The following PARP6 variants were observed in gnomAD, a reference collection of about 807,000 sequenced individuals.
PARP6 encodes protein mono-ADP-ribosyltransferase PARP6.
PARP6 carries 27 observed loss-of-function variants against 92.0 expected under a neutral mutation model. That is an observed-to-expected ratio of 0.29 (90% CI 0.22 to 0.40). PARP6 has a LOEUF of 0.40. Ranked by LOEUF, PARP6 falls within the 10% of genes least tolerant of loss-of-function variation. The pLI, the probability that PARP6 is intolerant of heterozygous loss-of-function variation, is 1.00. For synonymous variants in PARP6, 272 were observed against 281.2 expected (o/e 0.97, Z 0.33); for missense variants, 501 against 784.5 (o/e 0.64, Z 4.32).
intron 17 of PARP6, 69 bp from the exon 18 acceptor site, chr15:72,251,023 G>T: frequency 8.2e-7 from 1 of 1,212,634 alleles, no homozygotes; most frequent in East Asian, 2.4e-5. Context: ...GGAAGGGTTG[G>T]GGATAGGGGA....
At chr15:72,266,708 C>T (rs764714712) in intron 4 of PARP6, 37 bp downstream of exon 4, 4 of 1,465,532 alleles carry the variant, frequency 2.7e-6, no homozygotes, top group Admixed American at 1.7e-5. Flanking sequence ...CATATCTAGA[C>T]CATCCAACAC....
At chr15:72,250,182 C>T (rs2084163522) in intron 18 of PARP6, 90 bp from the exon 19 acceptor site, 3 of 809,026 alleles carry the variant, frequency 3.7e-6, no homozygotes, top group Admixed American at 3.6e-5. Flanking sequence ...TTCTCACCCA[C>T]ACAGGACATG....
In PARP6 at chr15:72,256,576, C is replaced by G. The variant is rs778053447; in HGVS notation, c.1014G>C (p.Leu338=). 1 of 1,564,732 alleles carries G rather than the reference C, an allele frequency of 6.4e-7. No homozygotes were observed. The highest frequency in any genetic ancestry group is 8.6e-7 in the Non-Finnish European group (1 of 1,158,834). ...VATGAEVVDL[L]VAMCRAALES... ...CTAAAGCTGCCCTACACATGGCCACCAGCAGATCCACCACCTTAGGGGAAA... is the reference window on the plus strand; with the variant it reads ...CTAAAGCTGCCCTACACATGGCCACGAGCAGATCCACCACCTTAGGGGAAA... The change falls in exon 14 of 24, where the codon CTG becomes CTC. Residue 338 remains leucine (L), a synonymous_variant. Coordinates refer to ENST00000569795, the MANE Select transcript of PARP6 (RefSeq NM_001323532.2).
chr15:72,241,667 C>A lies in PARP6; in HGVS notation c.1791-110G>T. On this transcript the variant is annotated intron_variant, in intron 23 of 23. Coordinates refer to ENST00000569795, the MANE Select transcript of PARP6 (RefSeq NM_001323532.2). This position sits in a 1 kb window ranked among gnomAD's most constrained non-coding sequence, Gnocchi z 4.1. ...GGCCATCCCATCCCAGAAGTCAAAGCCCTTTCTCACTGCTTCATAGTGGAA... is the reference window on the plus strand; with the variant it reads ...GGCCATCCCATCCCAGAAGTCAAAGACCTTTCTCACTGCTTCATAGTGGAA... The A allele has an allele frequency of 1.1e-6, 1 of 872,078 alleles. No individual in the cohort carries two copies. 54.0% of individuals were successfully genotyped at this position (872,078 alleles called of 1,614,324 possible).
chr15:72,254,185 G>T, intron 15 of PARP6: 1 of 507,340 alleles, frequency 2.0e-6, no homozygotes, highest in Non-Finnish European at 3.6e-6. Context: ...AACTCCCTAA[G>T]AATTATGGCA....
intron 8 of PARP6, among the ~76,000 whole-genome samples, chr15:72,263,226 T>C (rs1340043746): frequency 6.6e-6 from 1 of 152,226 alleles, no homozygotes; most frequent in Non-Finnish European, 1.5e-5. Context: ...CCACTACTCT[T>C]TGGCCCTTAT....
At chr15:72,263,715 C>T (rs1310482671) in intron 8 of PARP6, among the ~76,000 whole-genome samples, 2 of 152,072 alleles carry the variant, frequency 1.3e-5, no homozygotes, top group Non-Finnish European at 2.9e-5. Flanking sequence ...CAACTCTTAT[C>T]CATCCTTGAA....
chr15:72,258,177 C>G, intron 11 of PARP6, 45 bp from the exon 12 acceptor site: 1 of 1,364,924 alleles, frequency 7.3e-7, no homozygotes, highest in Non-Finnish European at 1.0e-6. Context: ...TACTGGCACA[C>G]ACAGATATGG....
At chr15:72,259,732 C>A in intron 10 of PARP6, 71 bp from the exon 11 acceptor site, 2 of 1,319,994 alleles carry the variant, frequency 1.5e-6, no homozygotes, top group South Asian at 1.2e-5. Flanking sequence ...CTGACTCTTG[C>A]CTATCACCTA....
chr15:72,263,002 T>C (rs1465639119), intron 8 of PARP6, among the ~76,000 whole-genome samples: 1 of 152,218 alleles, frequency 6.6e-6, no homozygotes, highest in African/African-American at 2.4e-5. Flanking sequence ...CTCCTTTAAG[T>C]AGCAAATTGA....
chr15:72,255,780 CTCTCTTT>C (rs2085006660), intron 14 of PARP6, among the ~76,000 whole-genome samples: 1 of 62,526 alleles, frequency 1.6e-5, no homozygotes, highest in East Asian at 3.1e-4. Context: ...TATATTACTT[CTCTCTTT>C]TTTTTTTTTT....
At chr15:72,257,189 A>G (rs2085256817) in intron 13 of PARP6, among the ~76,000 whole-genome samples, 159 bp downstream of exon 13, 1 of 152,190 alleles carries the variant, frequency 6.6e-6, no homozygotes, top group South Asian at 2.1e-4. Flanking sequence ...TGGAGCCCCT[A>G]CAGATGGGGT....
chr15:72,242,143 G>GGCAAACATGT lies in PARP6; in HGVS notation c.1705+13_1705+14insACATGTTTGC. The GGCAAACATGT allele has an allele frequency of 6.2e-7, 1 of 1,610,876 alleles. No homozygotes were observed. The highest frequency in any genetic ancestry group is 2.2e-5 in the East Asian group (1 of 44,868). ...TAGAGACCCAGAAAAACAGGACATG[G>GGCAAACATGT]GCAAGCTACCTACCTTCACAAAGTG... On this transcript the variant is annotated intron_variant, in intron 22 of 23. Coordinates refer to ENST00000569795, the MANE Select transcript of PARP6 (RefSeq NM_001323532.2). The surrounding 1 kb of genome is among the most constrained non-coding windows in gnomAD (Gnocchi z 4.3).
intron 13 of PARP6, among the ~76,000 whole-genome samples, chr15:72,257,039 G>A (rs1469918782): frequency 2.0e-5 from 3 of 152,064 alleles, no homozygotes; most frequent in South Asian, 2.1e-4. Flanking sequence ...CACTGTGCTC[G>A]GCCCTTTATT....
intron 3 of PARP6, 167 bp from the exon 4 acceptor site, chr15:72,266,989 A>T: frequency 1.7e-6 from 1 of 602,050 alleles, no homozygotes. Flanking sequence ...TGAGAGTCTC[A>T]GTCTCTTCCT....
chr15:72,270,733 C>G (rs7179942), intron 2 of PARP6, among the ~76,000 whole-genome samples: 95,079 of 152,046 alleles, frequency 0.63, 31,362 homozygotes, highest in Middle Eastern at 0.74. Context: ...AGAAACAACT[C>G]AACACCCACA....
Position 72,250,004 on chromosome 15 carries a change from A to C in PARP6, c.1491+16T>G, listed in dbSNP as rs751536614. ...GGGAGCGGTTAGAAATAAAGGAGAA[A>C]GGGGCACAGCCTCACCTGCAGTTTG... On this transcript the variant is annotated intron_variant, in intron 19 of 23. Transcript: ENST00000569795. 8 of 1,545,928 alleles carry C rather than the reference A, an allele frequency of 5.2e-6. No homozygotes were observed. The Admixed American group carries it at 1.3e-4, about 26-fold the overall frequency.
Position 72,268,455 on chromosome 15 carries a change from T to G in PARP6, c.-194-784A>C, listed in dbSNP as rs2086897743. 2.0e-5 allele frequency among the ~76,000 whole-genome samples: 3 copies of G among 152,224 alleles called. No individual in the cohort carries two copies. In the South Asian group the frequency reaches 6.2e-4, roughly 32 times the overall value. On this transcript the variant is annotated intron_variant, in intron 2 of 23. Transcript: ENST00000569795. Reference sequence around the variant, plus strand: ...TATTATACGGCAACAATAGCTAACTTAAAAAGTCCTCAACGGCCAGATCAC... The same window carrying G: ...TATTATACGGCAACAATAGCTAACTGAAAAAGTCCTCAACGGCCAGATCAC...
chr15:72,260,456 A>G lies in PARP6; in HGVS notation c.756+22T>C, dbSNP rs770882994. 3 of 1,596,714 alleles carry G rather than the reference A, an allele frequency of 1.9e-6. No homozygotes were observed. In the Admixed American group the frequency reaches 5.0e-5, roughly 27 times the overall value. ...CTCCCACCCTCCTGATAGCCAAGTC[A>G]AACCCTCCCCAGCCCATGTACCAAA... On this transcript the variant is annotated intron_variant, in intron 10 of 23. Coordinates refer to ENST00000569795, the MANE Select transcript of PARP6 (RefSeq NM_001323532.2).
Sources: allele counts gnomAD v4.1 joint callset (sites outside exome capture counted in the v4.1 genomes callset), GRCh38; gene constraint gnomAD v4.1.1; non-coding constraint Gnocchi (gnomAD v3.1); transcripts MANE v1.5; gene names NCBI Gene and HGNC (gene_info 2026-07-23, HGNC 2026-07-21).